TPRA1: variants seen among roughly 807,000 people sequenced by gnomAD.
TPRA1 encodes the protein transmembrane protein adipocyte-associated 1.
Under a neutral mutation model 40.1 loss-of-function variants are expected in TPRA1, and 28 were observed. That is an observed-to-expected ratio of 0.70 (90% CI 0.52 to 0.96). The LOEUF (loss-of-function observed/expected upper bound fraction) is 0.96, where lower values mean the gene tolerates loss of function less well. Ranked by LOEUF, TPRA1 falls within the 40% of genes least tolerant of loss-of-function variation. The pLI is 0.00. For synonymous variants in TPRA1, 219 were observed against 209.7 expected, an observed-to-expected ratio of 1.04 and a Z score of -0.38; for missense variants, 441 against 482.6, an observed-to-expected ratio of 0.91 and a Z score of 0.81.
At chr3:127,584,266 G>A (rs1467654879) in intron 1 of TPRA1, among the ~76,000 whole-genome samples, 29 of 149,726 alleles carry the variant, frequency 1.9e-4, no homozygotes, top group Admixed American at 1.4e-3. Flanking sequence ...ACAGCAAGAC[G>A]CTATTTCTAC....
intron 10 of TPRA1, among the ~76,000 whole-genome samples, chr3:127,574,619 G>C (rs1486938621): frequency 1.3e-5 from 2 of 152,200 alleles, no homozygotes; most frequent in Non-Finnish European, 2.9e-5. Context: ...GCATCTTCTG[G>C]CTCTAGCAGT....
intron 2 of TPRA1, 52 bp from the exon 3 acceptor site, chr3:127,579,924 C>T (rs1381516520): frequency 6.2e-7 from 1 of 1,609,822 alleles, no homozygotes; most frequent in Non-Finnish European, 8.5e-7. Context: ...ATATGCACCC[C>T]CTCTCCAAGA....
rs1327962202 is a variant in TPRA1 at position 127,572,499 on chromosome 3, G to C, written c.*1022C>G. ...TCATGCCTTATGATCCCAGTGCTTT[G>C]CTCTGATTTACTCCCATTTTCAGCC... On this transcript the variant is annotated 3_prime_UTR_variant, in exon 11 of 11. Coordinates refer to ENST00000355552, the MANE Select transcript of TPRA1 (RefSeq NM_001136053.4). Among the ~76,000 whole-genome samples the C allele has an allele frequency of 6.6e-6, 1 of 152,192 alleles. No individual in the cohort carries two copies. The highest frequency in any genetic ancestry group is 1.5e-5 in the Non-Finnish European group (1 of 68,048).
rs551084029 is a variant in TPRA1, at chr3:127,576,908, G to A, written c.346-15C>T. 4 of 1,613,726 alleles carry A rather than the reference G, an allele frequency of 2.5e-6. No individual in the cohort carries two copies. In the South Asian group the frequency reaches 4.4e-5, roughly 18 times the overall value. ...TCCCACAGGATCTGCACGCAGAGTG[G>A]GCACAGCGTCAGCCTGGACCAGCAT... is the stretch of plus-strand genomic sequence containing the variant. On this transcript the variant is annotated splice_polypyrimidine_tract_variant and intron_variant, in intron 4 of 10. Transcript: ENST00000355552. The surrounding 1 kb of genome is among the most constrained non-coding windows in gnomAD (Gnocchi z 4.6).
chr3:127,576,900 G>A lies in TPRA1; in HGVS notation c.346-7C>T, dbSNP rs375526636. On this transcript the variant is annotated splice_region_variant and splice_polypyrimidine_tract_variant and intron_variant, in intron 4 of 10. Coordinates refer to ENST00000355552, the MANE Select transcript of TPRA1 (RefSeq NM_001136053.4). This position sits in a 1 kb window ranked among gnomAD's most constrained non-coding sequence, Gnocchi z 4.6. ...GGGTGATCTCCCACAGGATCTGCAC[G>A]CAGAGTGGGCACAGCGTCAGCCTGG... 40 of 1,613,754 alleles carry A rather than the reference G, an allele frequency of 2.5e-5. No individual in the cohort carries two copies. The South Asian group carries it at 2.9e-4, about 12-fold the overall frequency.
In TPRA1 at chr3:127,571,980, C is replaced by T. The variant is rs914951569; in HGVS notation, c.*1541G>A. 1.3e-5 allele frequency: 2 copies of T among 152,170 alleles called. No homozygotes were observed. Among genetic ancestry groups the T allele is most frequent in the Non-Finnish European group, 2.9e-5 (2 of 68,038 alleles). The allele number at this position is 152,170 out of a possible 1,614,324, so 9.4% of individuals were successfully genotyped here. A position where few individuals can be genotyped will look rare whatever the true frequency, so the allele number is the denominator to read the frequency against. On this transcript the variant is annotated 3_prime_UTR_variant, in exon 11 of 11. Transcript: ENST00000355552. Reference sequence around the variant, plus strand: ...TCCCTGCTGGCCCCAACCCTTACCCCGCTCACTCAGAATGCCGTGAGCTTG... The same window carrying T: ...TCCCTGCTGGCCCCAACCCTTACCCTGCTCACTCAGAATGCCGTGAGCTTG...
At position 127,576,154 on chromosome 3, in the gene TPRA1, G is replaced by A. The variant is rs1020854743; in HGVS notation, c.499-104C>T. On this transcript the variant is annotated intron_variant, in intron 6 of 10. Coordinates refer to ENST00000355552, the MANE Select transcript of TPRA1 (RefSeq NM_001136053.4). The surrounding 1 kb of genome is among the most constrained non-coding windows in gnomAD (Gnocchi z 4.6). ...CCCCCTAAGCTCTCCACCACACCAA[G>A]TTCAGCCTCTTGGCCTGACCCTCAA... 1.1e-5 allele frequency: 10 copies of A among 897,232 alleles called. No homozygotes were observed. In the East Asian group the frequency reaches 2.4e-4, roughly 21 times the overall value. 55.6% of individuals were successfully genotyped at this position (897,232 alleles called of 1,614,324 possible).
At chr3:127,585,633 G>A (rs2073976147) in intron 1 of TPRA1, among the ~76,000 whole-genome samples, 3 of 152,232 alleles carry the variant, frequency 2.0e-5, no homozygotes. Flanking sequence ...ATCAAACACA[G>A]GGAATGAGAG....
At chr3:127,589,232 G>A (rs183009917) in intron 1 of TPRA1, among the ~76,000 whole-genome samples, 19 of 142,198 alleles carry the variant, frequency 1.3e-4, no homozygotes, top group Admixed American at 1.3e-3. Flanking sequence ...TGCAGGACCC[G>A]CTGAGAACGA....
At chr3:127,593,297 A>T (rs536988539), upstream of TPRA1, among the ~76,000 whole-genome samples, 20 of 152,282 alleles carry the variant, frequency 1.3e-4, no homozygotes, top group Non-Finnish European at 2.8e-4. Flanking sequence ...GCCACGGCTG[A>T]CAGTAGGAGA....
At chr3:127,590,187 C>G (rs932136366) in intron 1 of TPRA1, among the ~76,000 whole-genome samples, 1 of 152,166 alleles carries the variant, frequency 6.6e-6, no homozygotes, top group Non-Finnish European at 1.5e-5. Flanking sequence ...CTCGCGTGCC[C>G]CCGCGCCCCG....
At chr3:127,580,609 TCAAACAAGG>T (rs2073801349) in intron 1 of TPRA1, among the ~76,000 whole-genome samples, 1 of 152,176 alleles carries the variant, frequency 6.6e-6, no homozygotes, top group African/African-American at 2.4e-5. Context: ...GCCGAGTGCC[TCAAACAAGG>T]CACACACGTG....
At chr3:127,575,344 C>T (rs1302794968) in intron 9 of TPRA1, 59 bp downstream of exon 9, 2 of 1,575,690 alleles carry the variant, frequency 1.3e-6, no homozygotes, top group Non-Finnish European at 1.7e-6. Context: ...AGCGGGTGGA[C>T]ACCCTGCCGC....
In TPRA1 at chr3:127,585,309, C is replaced by G. The variant is rs2073966178; in HGVS notation, c.-18+5101G>C. On this transcript the variant is annotated intron_variant, in intron 1 of 10. Transcript: ENST00000355552. Reference sequence around the variant, plus strand: ...GAGGTAGAAACAGGTTTGGCCTGTCCCAAGGGCAAAAAACAGGCCAGGGTA... The same window carrying G: ...GAGGTAGAAACAGGTTTGGCCTGTCGCAAGGGCAAAAAACAGGCCAGGGTA... Among the ~76,000 whole-genome samples, 5 of 152,136 alleles carry G rather than the reference C, an allele frequency of 3.3e-5. No homozygotes were observed. The South Asian group carries it at 1.0e-3, about 31-fold the overall frequency.
intron 1 of TPRA1, 34 bp downstream of exon 1, chr3:127,590,376 T>G (rs1008724333): frequency 1.3e-5 from 2 of 152,148 alleles, no homozygotes; most frequent in African/African-American, 4.8e-5. Flanking sequence ...CCCCTCTAGC[T>G]GCGGCAGGAG....
intron 1 of TPRA1, among the ~76,000 whole-genome samples, chr3:127,584,248 T>C (rs544969218): frequency 2.4e-4 from 36 of 149,544 alleles, no homozygotes; most frequent in African/African-American, 8.8e-4. Flanking sequence ...GAGACCAGCC[T>C]GAGCAACACA....
intron 1 of TPRA1, among the ~76,000 whole-genome samples, chr3:127,596,196 C>T (rs1382880822): frequency 6.6e-6 from 1 of 152,226 alleles, no homozygotes; most frequent in East Asian, 1.9e-4. Flanking sequence ...TCTCCTGCCT[C>T]AGCCTCCTGA....
chr3:127,581,966 C>T (rs1460571713), intron 1 of TPRA1, among the ~76,000 whole-genome samples: 1 of 151,176 alleles, frequency 6.6e-6, no homozygotes, highest in Admixed American at 6.6e-5. Context: ...GTCCCGACAA[C>T]ACATCAAAGG....
rs1227566201 is a variant in TPRA1 at position 127,576,263 on chromosome 3, A to G, written c.499-213T>C. Among the ~76,000 whole-genome samples the G allele has an allele frequency of 6.6e-6, 1 of 152,156 alleles. No individual in the cohort carries two copies. The highest frequency in any genetic ancestry group is 1.5e-5 in the Non-Finnish European group (1 of 68,022). ...AGCCGGCCCAGTCTTGGGCTGAGTC[A>G]CATGGGGAAGGGGGCAGAGATGGAC... is the stretch of plus-strand genomic sequence containing the variant. On this transcript the variant is annotated intron_variant, in intron 6 of 10. Coordinates refer to ENST00000355552, the MANE Select transcript of TPRA1 (RefSeq NM_001136053.4). This position sits in a 1 kb window ranked among gnomAD's most constrained non-coding sequence, Gnocchi z 4.6.
Sources: gnomAD v4.1 joint callset for allele counts (sites outside exome capture counted in the v4.1 genomes callset) on GRCh38, gnomAD v4.1.1 for gene constraint, Gnocchi (gnomAD v3.1) non-coding constraint, MANE v1.5 for transcripts, NCBI Gene and HGNC (gene_info 2026-07-23, HGNC 2026-07-21) for gene names.